Variants in TACR1 observed in about 807,000 individuals in gnomAD.
The protein encoded by TACR1 is tachykinin receptor 1, also known as substance-P receptor.
Under a neutral mutation model 35.8 loss-of-function variants are expected in TACR1, and 25 were observed. The observed-to-expected ratio is 0.70, with a 90% confidence interval of 0.51 to 0.98. The LOEUF is 0.98. TACR1 is among the 50% of genes least tolerant of loss of function. The pLI is 0.00. For synonymous variants in TACR1, 195 were observed against 206.7 expected (o/e 0.94, Z 0.48); for missense variants, 478 against 522.9 (o/e 0.91, Z 0.84).
chr2:75,073,814 T>C (rs1672926945), intron 2 of TACR1, among the ~76,000 whole-genome samples: 1 of 152,162 alleles, frequency 6.6e-6, no homozygotes, highest in African/African-American at 2.4e-5. Context: ...CACATAGGAA[T>C]GCCACTTCTC....
At chr2:75,050,978 C>T (rs1672452422) in intron 4 of TACR1, 3 of 468,734 alleles carry the variant, frequency 6.4e-6, no homozygotes, top group African/African-American at 2.0e-5. Context: ...CCCCCACTAG[C>T]TGCCAGTATT....
At chr2:75,186,200 C>T (rs1207903558) in intron 1 of TACR1, among the ~76,000 whole-genome samples, 4 of 151,430 alleles carry the variant, frequency 2.6e-5, no homozygotes, top group East Asian at 1.9e-4. Context: ...GGTGAAACTC[C>T]GTCTCTACTA....
chr2:75,139,815 T>A (rs770736449), intron 1 of TACR1, among the ~76,000 whole-genome samples: 3 of 152,130 alleles, frequency 2.0e-5, no homozygotes, highest in Non-Finnish European at 4.4e-5. Flanking sequence ...TAACATCGCA[T>A]TCAGAAGGGG....
chr2:75,183,823 T>C (rs1466122025), intron 1 of TACR1, among the ~76,000 whole-genome samples: 1 of 152,222 alleles, frequency 6.6e-6, no homozygotes, highest in African/African-American at 2.4e-5. Context: ...TAACGTATTG[T>C]GTTATTACTT....
intron 1 of TACR1, among the ~76,000 whole-genome samples, chr2:75,167,113 T>C (rs1343060852): frequency 6.6e-6 from 1 of 152,232 alleles, no homozygotes; most frequent in Non-Finnish European, 1.5e-5. Context: ...AACTAAAATG[T>C]GCAGGACATC....
chr2:75,135,509 C>T (rs539018875), intron 1 of TACR1, among the ~76,000 whole-genome samples: 8 of 152,210 alleles, frequency 5.3e-5, no homozygotes, highest in Non-Finnish European at 5.9e-5. Flanking sequence ...TCCAGTGTCC[C>T]GGCGCCCGTG....
intron 2 of TACR1, among the ~76,000 whole-genome samples, chr2:75,102,758 T>C (rs2103874536): frequency 6.6e-6 from 1 of 152,260 alleles, no homozygotes; most frequent in African/African-American, 2.4e-5. Context: ...CAAATAAAGG[T>C]ATTATCAAAT....
chr2:75,143,391 A>G (rs1304931782), intron 1 of TACR1, among the ~76,000 whole-genome samples: 1 of 152,198 alleles, frequency 6.6e-6, no homozygotes, highest in East Asian at 1.9e-4. Context: ...TCTTCCTTCC[A>G]TTGAAATGTC....
chr2:75,099,950 G>T (rs1476498040), intron 2 of TACR1, among the ~76,000 whole-genome samples: 1 of 152,148 alleles, frequency 6.6e-6, no homozygotes, highest in South Asian at 2.1e-4. Context: ...CATGACCACT[G>T]TCTTCTTCCA....
At chr2:75,136,588 AT>A (rs997552645) in intron 1 of TACR1, among the ~76,000 whole-genome samples, 3 of 152,130 alleles carry the variant, frequency 2.0e-5, no homozygotes, top group African/African-American at 7.2e-5. Flanking sequence ...AGCAAAGCCT[AT>A]CCCCTCTGTG....
chr2:75,085,705 G>A (rs1466755060), intron 2 of TACR1, among the ~76,000 whole-genome samples: 1 of 152,128 alleles, frequency 6.6e-6, no homozygotes, highest in South Asian at 2.1e-4. Flanking sequence ...TAATAACGGT[G>A]ACCTGGCTGG....
In TACR1 at chr2:75,145,057, G is replaced by A. The variant is rs541823990; in HGVS notation, c.390-24289C>T. On this transcript the variant is annotated intron_variant, in intron 1 of 4. Coordinates refer to ENST00000305249, the MANE Select transcript of TACR1 (RefSeq NM_001058.4). ...CAGCCTGAGCGGAATAAGATTTTAA[G>A]TTAAATGGATCCTTTCTAGAAAAAG... is the stretch of plus-strand genomic sequence containing the variant. Among the ~76,000 whole-genome samples the A allele has an allele frequency of 1.8e-3, 270 of 152,188 alleles. 1 individual carries two copies. The highest frequency in any genetic ancestry group is 6.2e-3 in the African/African-American group (256 of 41,564).
In TACR1 at chr2:75,051,462, A is replaced by T; in HGVS notation, c.736-15T>A. On this transcript the variant is annotated splice_polypyrimidine_tract_variant and intron_variant, in intron 3 of 4. Transcript: ENST00000305249. ...ATTTTGACCACCTGGCAAGAGGGTG[A>T]GACAGGTGAGACCACCAGCACATCC... 6.2e-7 allele frequency: 1 copy of T among 1,613,300 alleles called. No homozygotes were observed. Among genetic ancestry groups the T allele is most frequent in the Non-Finnish European group, 8.5e-7 (1 of 1,179,710 alleles).
intron 2 of TACR1, among the ~76,000 whole-genome samples, chr2:75,059,750 A>T (rs1444449229): frequency 3.3e-5 from 5 of 152,202 alleles, no homozygotes; most frequent in Admixed American, 1.3e-4. Flanking sequence ...TGTTCCCCAG[A>T]GCCCCCTTTG....
intron 2 of TACR1, among the ~76,000 whole-genome samples, chr2:75,087,677 G>T (rs909180046): frequency 6.6e-6 from 1 of 152,122 alleles, no homozygotes; most frequent in Non-Finnish European, 1.5e-5. Context: ...CTCACCTCTT[G>T]CCATTTGAAA....
intron 1 of TACR1, among the ~76,000 whole-genome samples, chr2:75,133,602 A>G (rs371838439): frequency 2.6e-4 from 40 of 152,336 alleles, no homozygotes; most frequent in East Asian, 1.7e-3. Flanking sequence ...GGCTGGGTTT[A>G]AACTTGGCAG....
chr2:75,053,797 T>G (rs1212592407), intron 2 of TACR1, 42 bp from the exon 3 acceptor site: 1 of 1,612,730 alleles, frequency 6.2e-7, no homozygotes, highest in Non-Finnish European at 8.5e-7. Context: ...GATATACTTA[T>G]TATTTTAGGT....
chr2:75,087,917 C>T (rs992348411), intron 2 of TACR1, among the ~76,000 whole-genome samples: 13 of 152,206 alleles, frequency 8.5e-5, no homozygotes, highest in African/African-American at 2.9e-4. Context: ...AAGAACTACT[C>T]ACTGATGATG....
intron 1 of TACR1, among the ~76,000 whole-genome samples, chr2:75,131,324 G>A (rs999723905): frequency 5.3e-5 from 8 of 152,006 alleles, no homozygotes; most frequent in African/African-American, 1.9e-4. Context: ...TCCTGACCTC[G>A]TGATCTGCCT....
Sources: allele counts gnomAD v4.1 joint callset (sites outside exome capture counted in the v4.1 genomes callset), GRCh38; gene constraint gnomAD v4.1.1; transcripts MANE v1.5; gene names NCBI Gene and HGNC (gene_info 2026-07-23, HGNC 2026-07-21).